Variants in INCENP observed in about 807,000 individuals in gnomAD.
INCENP encodes inner centromere protein.
Under a neutral mutation model 107.3 loss-of-function variants are expected in INCENP, and 43 were observed. The ratio of observed to expected loss-of-function variants is 0.40; its 90% confidence interval spans 0.31 to 0.52. The LOEUF (loss-of-function observed/expected upper bound fraction) is 0.52. Ranked by LOEUF, INCENP falls within the 20% of genes least tolerant of loss-of-function variation. INCENP has a pLI of 0.53. For synonymous variants in INCENP, 488 were observed against 494.4 expected, an observed-to-expected ratio of 0.99 and a Z score of 0.17; for missense variants, 1,089 against 1,250.9, an observed-to-expected ratio of 0.87 and a Z score of 1.95.
intron 4 of INCENP, among the ~76,000 whole-genome samples, chr11:62,136,282 A>C (rs932891632): frequency 6.6e-6 from 1 of 152,214 alleles, no homozygotes; most frequent in African/African-American, 2.4e-5. Flanking sequence ...CTTAGAGACG[A>C]GCGCTTTTCA....
intron 10 of INCENP, among the ~76,000 whole-genome samples, 154 bp downstream of exon 10, chr11:62,141,198 C>T (rs987113400): frequency 6.6e-6 from 1 of 152,196 alleles, no homozygotes; most frequent in African/African-American, 2.4e-5. Context: ...TCTGTGGCCA[C>T]CGGCTGTCTT....
At position 62,128,759 on chromosome 11, in the gene INCENP, G is replaced by T. The variant is rs770250730; in HGVS notation, c.141-11G>T. 2.5e-6 allele frequency: 4 copies of T among 1,599,686 alleles called. No individual in the cohort carries two copies. In the African/African-American group the frequency reaches 4.0e-5, roughly 16 times the overall value. Reference sequence around the variant, plus strand: ...GGCAGCCTCGAGTGACACCCTCCTTGTGCCAAACAGAGAATTCAGCAAAGA... The same window carrying T: ...GGCAGCCTCGAGTGACACCCTCCTTTTGCCAAACAGAGAATTCAGCAAAGA... On this transcript the variant is annotated splice_polypyrimidine_tract_variant and intron_variant, in intron 2 of 18. Transcript: ENST00000394818.
chr11:62,136,448 G>A (rs1373023450), intron 4 of INCENP, among the ~76,000 whole-genome samples: 1 of 152,166 alleles, frequency 6.6e-6, no homozygotes, highest in Non-Finnish European at 1.5e-5. Context: ...TTGGGAGGCT[G>A]AGGCAGGTGG....
chr11:62,129,493 C>T (rs2134615274), intron 3 of INCENP, among the ~76,000 whole-genome samples: 1 of 152,300 alleles, frequency 6.6e-6, no homozygotes, highest in African/African-American at 2.4e-5. Context: ...TCAGCAGGGG[C>T]TCGGTGTGGT....
chr11:62,128,410 C>T (rs1943804907), intron 2 of INCENP, 109 bp downstream of exon 2: 2 of 1,190,150 alleles, frequency 1.7e-6, no homozygotes, highest in Non-Finnish European at 2.4e-6. Context: ...AAACAGACAG[C>T]CTGTCAGGGC....
Position 62,127,043 on chromosome 11 carries a change from GTT to G in INCENP, c.-11-1096_-11-1095del, listed in dbSNP as rs61614201. 2.0e-4 allele frequency among the ~76,000 whole-genome samples: 29 copies of G among 145,596 alleles called. No individual in the cohort carries two copies. In the South Asian group the frequency reaches 5.5e-3, roughly 27 times the overall value. On this transcript the variant is annotated intron_variant, in intron 1 of 18. Coordinates refer to ENST00000394818, the MANE Select transcript of INCENP (RefSeq NM_001040694.2). ...TAATGGCTATCAAGTTTTTTGTTTT[GTT>G]TTTTTTTTTTTGAGACAGTCTCGCT...
intron 11 of INCENP, among the ~76,000 whole-genome samples, chr11:62,144,591 C>A (rs1944196367): frequency 6.6e-6 from 1 of 152,178 alleles, no homozygotes; most frequent in African/African-American, 2.4e-5. Context: ...GAACATTCAC[C>A]ATGATTGGGA....
In INCENP at chr11:62,150,085, C is replaced by A; in HGVS notation, c.2420C>A (p.Thr807Asn). 1 of 1,614,044 alleles carries A rather than the reference C, an allele frequency of 6.2e-7. No homozygotes were observed. Among genetic ancestry groups the A allele is most frequent in the Non-Finnish European group, 8.5e-7 (1 of 1,180,008 alleles). The change falls in exon 18 of 19, where the codon ACT becomes AAT. Residue 807 changes from threonine (T) to asparagine (N), a missense_variant. Coordinates refer to ENST00000394818, the MANE Select transcript of INCENP (RefSeq NM_001040694.2). ...CCAGCTTGTACCTCATATCAGATGA[C>A]TCCGCAAGGGCACAGGGCCCCTCCC... ...QSPACTSYQM[T>N]PQGHRAPPKI... is the part of the protein sequence containing the mutation.
intron 7 of INCENP, 94 bp downstream of exon 7, chr11:62,139,099 C>A: frequency 5.8e-6 from 5 of 861,590 alleles, no homozygotes; most frequent in Non-Finnish European, 9.8e-6. Flanking sequence ...AAGGAAGCCC[C>A]ATTTTCTGGG....
At chr11:62,125,081 G>C in intron 1 of INCENP, among the ~76,000 whole-genome samples, 1 of 152,258 alleles carries the variant, frequency 6.6e-6, no homozygotes, top group East Asian at 1.9e-4. Context: ...AGACTGGAGA[G>C]TGTCTTCCTC....
At chr11:62,127,521 T>G (rs1792949) in intron 1 of INCENP, among the ~76,000 whole-genome samples, 82,374 of 152,144 alleles carry the variant, frequency 0.54, 24,258 homozygotes, top group Non-Finnish European at 0.67. Flanking sequence ...AGGGAGAGGG[T>G]TGTGGGAGGC....
intron 4 of INCENP, among the ~76,000 whole-genome samples, chr11:62,136,804 G>A (rs1392649989): frequency 6.6e-6 from 1 of 152,222 alleles, no homozygotes; most frequent in African/African-American, 2.4e-5. Context: ...GGCCTTGACT[G>A]GGGCTGAGGC....
chr11:62,140,175 A>C (rs1438318524), intron 7 of INCENP, 59 bp from the exon 8 acceptor site: 4 of 1,505,336 alleles, frequency 2.7e-6, no homozygotes, highest in African/African-American at 1.4e-5. Flanking sequence ...CTACACCCCC[A>C]TTCCCACCCT....
At chr11:62,135,542 G>A (rs926082861) in intron 4 of INCENP, among the ~76,000 whole-genome samples, 1 of 152,122 alleles carries the variant, frequency 6.6e-6, no homozygotes, top group African/African-American at 2.4e-5. Flanking sequence ...GGGATTACAG[G>A]CGTGAGCCAC....
chr11:62,147,042 A>G (rs1018677346), intron 15 of INCENP, 140 bp downstream of exon 15: 1 of 1,346,244 alleles, frequency 7.4e-7, no homozygotes, highest in African/African-American at 1.4e-5. Context: ...GGCCCACCTG[A>G]ATACACTGCC....
Position 62,148,471 on chromosome 11 carries a change from C to A in INCENP, c.2205-5C>A. On this transcript the variant is annotated splice_polypyrimidine_tract_variant and splice_region_variant and intron_variant, in intron 15 of 18. Transcript: ENST00000394818. ...TGTCCTAACAGGCTCTTGCTGGGTC[C>A]TCAGGGAGCTGCAGGAGCGGGAGAA... 6.3e-7 allele frequency: 1 copy of A among 1,598,842 alleles called. No homozygotes were observed. Among genetic ancestry groups the A allele is most frequent in the Non-Finnish European group, 8.5e-7 (1 of 1,174,078 alleles).
chr11:62,150,714 C>T (rs1944355180), intron 18 of INCENP, among the ~76,000 whole-genome samples: 1 of 152,182 alleles, frequency 6.6e-6, no homozygotes, highest in South Asian at 2.1e-4. Flanking sequence ...TTACAGGCCC[C>T]AGCATTAAAC....
rs768203238 is a variant in INCENP, at chr11:62,140,227, T to C, written c.1292-7T>C. ...CTGCAGCCTTGCTGAAATTGCTGTC[T>C]TCACAGAGGCCAAGACGGACCAAGC... On this transcript the variant is annotated splice_polypyrimidine_tract_variant and splice_region_variant and intron_variant, in intron 7 of 18. Transcript: ENST00000394818. The C allele has an allele frequency of 6.2e-7, 1 of 1,613,306 alleles. No individual in the cohort carries two copies. Among genetic ancestry groups the C allele is most frequent in the African/African-American group, 1.3e-5 (1 of 74,852 alleles).
In INCENP at chr11:62,130,146, A is replaced by G. The variant is rs143235997; in HGVS notation, c.619A>G (p.Thr207Ala). ...SPTPASATAP[T>A]SQGIPTSDEE... The stretch of plus-strand genomic sequence containing the variant: ...GACTCCAGCTTCAGCCACAGCTCCA[A>G]CCTCCCAGGGCATCCCGACATCAGA... The change falls in exon 4 of 19, where the codon ACC becomes GCC. Residue 207 changes from threonine to alanine, a missense_variant. Thr to Ala is a moderately conservative substitution (Grantham distance 58). Coordinates refer to ENST00000394818, the MANE Select transcript of INCENP (RefSeq NM_001040694.2). The G allele has an allele frequency of 3.8e-5, 61 of 1,613,612 alleles. No individual in the cohort carries two copies. The African/African-American group carries it at 6.7e-4, about 18-fold the overall frequency.
Sources: gnomAD v4.1 joint callset for allele counts (sites outside exome capture counted in the v4.1 genomes callset) on GRCh38, gnomAD v4.1.1 for gene constraint, MANE v1.5 for transcripts, NCBI Gene and HGNC (gene_info 2026-07-23, HGNC 2026-07-21) for gene names.